GINM1: variants seen among roughly 807,000 people sequenced by gnomAD.
GINM1 encodes the protein glycosylated integral membrane protein 1.
In GINM1, 29 loss-of-function variants were observed where a neutral mutation model predicts 37.8. The observed-to-expected ratio is 0.77, with a 90% CI of 0.57 to 1.05. The LOEUF is 1.05. Among genes scored for constraint, GINM1 ranks in the 50% least tolerant of loss-of-function variants. The pLI, the probability that GINM1 is intolerant of heterozygous loss-of-function variation, is 0.00. For missense variants in GINM1, 377 were observed against 397.9 expected, an observed-to-expected ratio of 0.95 and a Z score of 0.45; for synonymous variants, 143 against 146.2, an observed-to-expected ratio of 0.98 and a Z score of 0.16.
At chr6:149,568,212 GGAT>G (rs1777752074) in intron 1 of GINM1, among the ~76,000 whole-genome samples, 1 of 152,218 alleles carries the variant, frequency 6.6e-6, no homozygotes, top group Non-Finnish European at 1.5e-5. Context: ...GTTGGGTGTT[GGAT>G]GATAAGCCTG....
intron 3 of GINM1, among the ~76,000 whole-genome samples, chr6:149,575,336 T>C (rs539230499): frequency 7.9e-5 from 12 of 152,374 alleles, no homozygotes; most frequent in East Asian, 1.9e-4. Context: ...AACATCTCTT[T>C]GCCTTCATTT....
At chr6:149,579,791 T>G (rs753961011) in intron 4 of GINM1, 43 bp from the exon 5 acceptor site, 1 of 1,285,416 alleles carries the variant, frequency 7.8e-7, no homozygotes. Context: ...TATGGGGCTG[T>G]GCTACTATTT....
At chr6:149,578,791 T>C in intron 3 of GINM1, 31 bp from the exon 4 acceptor site, 3 of 1,451,698 alleles carry the variant, frequency 2.1e-6, no homozygotes, top group Non-Finnish European at 2.9e-6. Context: ...GTAATCTTTG[T>C]TCAAAGGTGT....
At chr6:149,576,221 G>C (rs1245977795) in intron 3 of GINM1, 1 of 152,090 alleles carries the variant, frequency 6.6e-6, no homozygotes, top group Non-Finnish European at 1.5e-5. Context: ...AGTTCCTTCT[G>C]AGCTCTTGAA....
chr6:149,579,122 A>G (rs1777960126), intron 4 of GINM1, 149 bp downstream of exon 4: 2 of 463,064 alleles, frequency 4.3e-6, no homozygotes, highest in East Asian at 6.8e-5. Context: ...ATTTTTGTAT[A>G]TTTATTTTAG....
intron 1 of GINM1, among the ~76,000 whole-genome samples, chr6:149,569,200 A>G (rs1360702482): frequency 6.6e-6 from 1 of 150,780 alleles, no homozygotes; most frequent in East Asian, 1.9e-4. Context: ...CGCCCAGCTA[A>G]TTTTTTTATA....
At chr6:149,583,533 G>A (rs1778030626) in intron 7 of GINM1, among the ~76,000 whole-genome samples, 1 of 151,800 alleles carries the variant, frequency 6.6e-6, no homozygotes, top group African/African-American at 2.4e-5. Context: ...GGAGGCTGAG[G>A]CAGGAGAATC....
chr6:149,570,136 T>TATA (rs1777789017), intron 1 of GINM1, among the ~76,000 whole-genome samples: 1 of 45,818 alleles, frequency 2.2e-5, no homozygotes, highest in African/African-American at 7.8e-5. Context: ...TAGGTAGGTT[T>TATA]TATATATATA....
At chr6:149,585,615 C>CA (rs1778058412) in intron 7 of GINM1, among the ~76,000 whole-genome samples, 1 of 151,788 alleles carries the variant, frequency 6.6e-6, no homozygotes, top group Non-Finnish European at 1.5e-5. Context: ...TATTTTGAGA[C>CA]AGAGTCTCAC....
At chr6:149,587,477 G>C (rs958541923) in intron 7 of GINM1, among the ~76,000 whole-genome samples, 20 of 152,204 alleles carry the variant, frequency 1.3e-4, no homozygotes, top group Non-Finnish European at 2.5e-4. Flanking sequence ...TCCTCTTTGG[G>C]TTTGATTAAT....
At chr6:149,588,073 C>T (rs1424283388) in intron 7 of GINM1, among the ~76,000 whole-genome samples, 1 of 152,124 alleles carries the variant, frequency 6.6e-6, no homozygotes, top group Non-Finnish European at 1.5e-5. Context: ...CATGTTAATC[C>T]CAATAATGTT....
intron 5 of GINM1, 90 bp from the exon 6 acceptor site, chr6:149,580,503 T>C: frequency 8.6e-7 from 1 of 1,159,042 alleles, no homozygotes; most frequent in South Asian, 1.6e-5. Context: ...TATGTGTTCT[T>C]ACTATCCTAA....
At chr6:149,585,105 A>G (rs556253986) in intron 7 of GINM1, among the ~76,000 whole-genome samples, 8 of 152,338 alleles carry the variant, frequency 5.3e-5, no homozygotes, top group African/African-American at 1.7e-4. Flanking sequence ...AGGAAGTTCC[A>G]AACTTTTTTG....
intron 1 of GINM1, among the ~76,000 whole-genome samples, chr6:149,569,379 C>G (rs1375901886): frequency 1.7e-4 from 25 of 149,616 alleles, no homozygotes; most frequent in Non-Finnish European, 3.6e-4. Flanking sequence ...CTCTGTCCCC[C>G]ATCCTGCACA....
chr6:149,582,122 G>A, intron 6 of GINM1: 1 of 488,746 alleles, frequency 2.0e-6, no homozygotes, highest in Non-Finnish European at 4.2e-6. Context: ...CGAATCTCTT[G>A]TCAATTAGCA....
chr6:149,587,227 C>T (rs1013168528), intron 7 of GINM1, among the ~76,000 whole-genome samples: 6 of 152,174 alleles, frequency 3.9e-5, no homozygotes, highest in African/African-American at 1.2e-4. Flanking sequence ...GAGTACTTCA[C>T]GTTTGGGCAC....
At position 149,570,102 on chromosome 6, in the gene GINM1, C is replaced by G. The variant is rs138637328; in HGVS notation, c.121-2183C>G. On this transcript the variant is annotated intron_variant, in intron 1 of 7. Transcript: ENST00000367419. ...TAGTGTGCTTGTGTCTGTTAATTGT[C>G]TTTTTCAAACTCTGTAATTTTACTA... Among the ~76,000 whole-genome samples, 361 of 117,492 alleles carry G rather than the reference C, an allele frequency of 3.1e-3. 1 individual carries two copies. The highest frequency in any genetic ancestry group is 4.7e-3 in the Non-Finnish European group (273 of 57,834). The allele number at this position is 117,492 out of a possible 152,430, so 77.1% of individuals were successfully genotyped here. A position where few individuals can be genotyped will look rare whatever the true frequency, so the allele number is the denominator to read the frequency against.
At chr6:149,572,738 T>A in intron 3 of GINM1, 135 bp downstream of exon 3, 1 of 647,318 alleles carries the variant, frequency 1.5e-6, no homozygotes, top group Non-Finnish European at 2.7e-6. Context: ...CTCAGCTCAC[T>A]GCAACCTCTA....
chr6:149,567,611 A>C (rs1777741579), intron 1 of GINM1, among the ~76,000 whole-genome samples: 1 of 152,210 alleles, frequency 6.6e-6, no homozygotes, highest in Admixed American at 6.5e-5. Context: ...ACTGCATTCC[A>C]GCCTGGGTGA....
Sources: gnomAD v4.1 joint callset for allele counts (sites outside exome capture counted in the v4.1 genomes callset) on GRCh38, gnomAD v4.1.1 for gene constraint, MANE v1.5 for transcripts, NCBI Gene and HGNC (gene_info 2026-07-23, HGNC 2026-07-21) for gene names.